Variants in GAREM2 observed in about 807,000 individuals in gnomAD.
GAREM2 encodes the protein GRB2-associated and regulator of MAPK protein 2.
Under a neutral mutation model 55.6 loss-of-function variants are expected in GAREM2, and 30 were observed. That is an observed-to-expected ratio of 0.54 (90% CI 0.40 to 0.73). The LOEUF is 0.73. GAREM2 is among the 30% of genes least tolerant of loss of function. GAREM2 has a pLI of 0.00. For synonymous variants in GAREM2, 550 were observed against 569.1 expected (o/e 0.97, Z 0.48); for missense variants, 1,075 against 1,257.7 (o/e 0.85, Z 2.20).
the GAREM2 span, chr2:26,195,167 C>T: frequency 1.9e-6 from 3 of 1,612,572 alleles, no homozygotes; most frequent in African/African-American, 4.0e-5. Context: ...TGGAAGTTTT[C>T]TCGGTCGTGA....
In GAREM2 at chr2:26,173,337, CG is replaced by C; in HGVS notation, c.112+9del. The C allele has an allele frequency of 3.6e-6, 5 of 1,373,314 alleles. No homozygotes were observed. The highest frequency in any genetic ancestry group is 1.6e-5 in the South Asian group (1 of 63,696). The allele number at this position is 1,373,314 out of a possible 1,614,324, so 85.1% of individuals were successfully genotyped here. A position where few individuals can be genotyped will look rare whatever the true frequency, so the allele number is the denominator to read the frequency against. On this transcript the variant is annotated splice_donor_region_variant and intron_variant, in intron 1 of 5. Transcript: ENST00000401533. ...CGCTCGCCTGCCTTGGGCCAGGTAC[CG>C]GGGTCGCTGGAGATGGGGACCGGGG...
chr2:26,183,221 A>G, intron 3 of GAREM2, 124 bp downstream of exon 3: 1 of 1,051,938 alleles, frequency 9.5e-7, no homozygotes, highest in South Asian at 1.6e-5. Context: ...GGGACCCCTT[A>G]GGGGTCTTTG....
At chr2:26,193,871 C>T, downstream of GAREM2, 1 of 924,064 alleles carries the variant, frequency 1.1e-6, no homozygotes. Flanking sequence ...GTGTAAAACC[C>T]ACTTCTGAGT....
chr2:26,185,381 G>A, intron 4 of GAREM2, 105 bp downstream of exon 4: 1 of 1,378,040 alleles, frequency 7.3e-7, no homozygotes, highest in Non-Finnish European at 9.4e-7. Flanking sequence ...TGTCTTCCTC[G>A]GCGGGGTGGG....
At chr2:26,176,850 C>A (rs1234580903) in intron 2 of GAREM2, among the ~76,000 whole-genome samples, 1 of 152,162 alleles carries the variant, frequency 6.6e-6, no homozygotes, top group Non-Finnish European at 1.5e-5. Context: ...CTGCCAGGAC[C>A]TTTTCTGTAC....
rs1280414430 is a variant in GAREM2, at chr2:26,185,230, G to GGGAGCCGGAAGCGCCGCCGCCTCC, written c.1383_1406dup (p.Glu462_Pro469dup). 2 of 1,520,912 alleles carry GGGAGCCGGAAGCGCCGCCGCCTCC rather than the reference G, an allele frequency of 1.3e-6. No individual in the cohort carries two copies. Among genetic ancestry groups the GGGAGCCGGAAGCGCCGCCGCCTCC allele is most frequent in the Non-Finnish European group, 8.8e-7 (1 of 1,141,100 alleles). 94.2% of individuals were successfully genotyped at this position (1,520,912 alleles called of 1,614,324 possible). ...TTCGGGGCCGCGGGACCGCCGCGTC[G>GGGAGCCGGAAGCGCCGCCGCCTCC]GGAGCCGGAAGCGCCGCCGCCTCCA... On this transcript the variant is annotated inframe_insertion, in exon 4 of 6. Coordinates refer to ENST00000401533, the MANE Select transcript of GAREM2 (RefSeq NM_001168241.2).
downstream of GAREM2, chr2:26,192,480 C>CTATT (rs1574601292): frequency 2.0e-6 from 2 of 996,662 alleles, no homozygotes; most frequent in East Asian, 4.8e-5. Flanking sequence ...GGGAGTGTTA[C>CTATT]TATTTGTTCT....
rs1288748717 is a variant in GAREM2, at chr2:26,173,347, G to A, written c.112+15G>A. ...CCTTGGGCCAGGTACCGGGGTCGCT[G>A]GAGATGGGGACCGGGGTCCGCGGGG... On this transcript the variant is annotated intron_variant, in intron 1 of 5. Transcript: ENST00000401533. 14 of 1,337,254 alleles carry A rather than the reference G, an allele frequency of 1.0e-5. No homozygotes were observed. The highest frequency in any genetic ancestry group is 1.4e-5 in the Non-Finnish European group (14 of 1,028,390). The allele number at this position is 1,337,254 out of a possible 1,614,324, so 82.8% of individuals were successfully genotyped here. A position where few individuals can be genotyped will look rare whatever the true frequency, so the allele number is the denominator to read the frequency against.
chr2:26,185,168 C>T lies in GAREM2; in HGVS notation c.1320C>T (p.Gly440=), dbSNP rs1275930650. The T allele has an allele frequency of 1.3e-6, 2 of 1,507,056 alleles. No individual in the cohort carries two copies. The highest frequency in any genetic ancestry group is 2.4e-5 in the South Asian group (2 of 81,958). The allele number at this position is 1,507,056 out of a possible 1,614,324, so 93.4% of individuals were successfully genotyped here. ...TGTGGGCGCACCAGGGGCCCGAGGG[C>T]CTCGTCCGGCCGCCCCCAGGGCTCG... The part of the protein sequence containing the change: ...EELWAHQGPE[G]LVRPPPGLDL... The change falls in exon 4 of 6, where the codon GGC becomes GGT. Residue 440 remains glycine, a synonymous_variant. Coordinates refer to ENST00000401533, the MANE Select transcript of GAREM2 (RefSeq NM_001168241.2).
At chr2:26,184,151 T>C in intron 3 of GAREM2, 82 bp from the exon 4 acceptor site, 2 of 1,520,098 alleles carry the variant, frequency 1.3e-6, no homozygotes. Context: ...AAGGCTGTTT[T>C]CCCTTTCCAG....
chr2:26,185,097 G>C lies in GAREM2; in HGVS notation c.1249G>C (p.Ala417Pro), dbSNP rs1462760559. The C allele has an allele frequency of 1.4e-6, 2 of 1,429,910 alleles. No individual in the cohort carries two copies. Among genetic ancestry groups the C allele is most frequent in the Non-Finnish European group, 1.8e-6 (2 of 1,099,498 alleles). 88.6% of individuals were successfully genotyped at this position (1,429,910 alleles called of 1,614,324 possible). A position where few individuals can be genotyped will look rare whatever the true frequency, so the allele number is the denominator to read the frequency against. Residue 417 changes from alanine (A) to proline (P), a missense_variant, in exon 4 of 6, where the codon GCG becomes CCG. Physicochemically the swap from Ala to Pro is conservative, Grantham distance 27 (BLOSUM62 -1). Transcript: ENST00000401533. ...GTACGTGAGCCCCGACTGGGCAGCCGCGCCCGAGCCCGCCGCGCCGCCCGC... is the reference window on the plus strand; with the variant it reads ...GTACGTGAGCCCCGACTGGGCAGCCCCGCCCGAGCCCGCCGCGCCGCCCGC... The part of the protein sequence containing the change: ...QEYVSPDWAA[A>P]PEPAAPPAEI...
At chr2:26,174,350 G>A (rs1373806944) in intron 1 of GAREM2, among the ~76,000 whole-genome samples, 3 of 152,222 alleles carry the variant, frequency 2.0e-5, no homozygotes, top group Non-Finnish European at 4.4e-5. Context: ...GTCAGAGTGT[G>A]GTACTGTGTC....
the GAREM2 span, among the ~76,000 whole-genome samples, chr2:26,200,620 C>T: frequency 6.6e-6 from 1 of 152,214 alleles, no homozygotes; most frequent in Non-Finnish European, 1.5e-5. Context: ...AGAGCTCCTA[C>T]ATGAATAAGG....
the GAREM2 span, among the ~76,000 whole-genome samples, chr2:26,199,072 GTT>G: frequency 1.3e-5 from 2 of 151,810 alleles, no homozygotes; most frequent in Admixed American, 1.3e-4. Flanking sequence ...TTTTTTTGTA[GTT>G]TTTAGTAAAG....
In GAREM2 at chr2:26,184,750, T is replaced by C. The variant is rs1423150633; in HGVS notation, c.902T>C (p.Leu301Pro). 8 of 1,506,890 alleles carry C rather than the reference T, an allele frequency of 5.3e-6. No individual in the cohort carries two copies. The allele number at this position is 1,506,890 out of a possible 1,614,324, so 93.3% of individuals were successfully genotyped here. ...AGCATCATCTCCAAGACGGTGGTGC[T>C]GGGGCTGGCGCTGCGCCGCGAGGGC... is the stretch of plus-strand genomic sequence containing the variant. ...LVSIISKTVV[L>P]GLALRREGPA... The change falls in exon 4 of 6, where the codon CTG becomes CCG. Residue 301 changes from leucine to proline, a missense_variant. Around this residue, in one of 6 missense-constraint regions of GAREM2, gnomAD observed 170 missense variants for 220.7 expected, o/e 0.77. Coordinates refer to ENST00000401533, the MANE Select transcript of GAREM2 (RefSeq NM_001168241.2).
chr2:26,182,717 A>G (rs1442175067), intron 2 of GAREM2, among the ~76,000 whole-genome samples: 2 of 152,056 alleles, frequency 1.3e-5, no homozygotes, highest in Non-Finnish European at 2.9e-5. Flanking sequence ...CTCACTGCAT[A>G]CCCACAGGCT....
the GAREM2 span, chr2:26,201,214 T>G: frequency 1.2e-6 from 2 of 1,613,842 alleles, no homozygotes; most frequent in Non-Finnish European, 1.7e-6. Context: ...TCAATCACCA[T>G]GTCGGCCTTT....
At chr2:26,183,491 AGGAG>A (rs975443649) in intron 3 of GAREM2, among the ~76,000 whole-genome samples, 1 of 152,196 alleles carries the variant, frequency 6.6e-6, no homozygotes, top group Non-Finnish European at 1.5e-5. Context: ...TGGGAGGCTG[AGGAG>A]GGAGGATCAA....
In GAREM2 at chr2:26,179,530, G is replaced by A. The variant is rs551057114; in HGVS notation, c.253+3046G>A. Reference sequence around the variant, plus strand: ...CCCTGCCACAGCCCTCAGGTGCTTGGGGCTGGAAGGGAGGAGCGAGGCAGC... The same window carrying A: ...CCCTGCCACAGCCCTCAGGTGCTTGAGGCTGGAAGGGAGGAGCGAGGCAGC... On this transcript the variant is annotated intron_variant, in intron 2 of 5. Transcript: ENST00000401533. This position sits in a 1 kb window ranked among gnomAD's most constrained non-coding sequence, Gnocchi z 4.7. Among the ~76,000 whole-genome samples, 62 of 152,232 alleles carry A rather than the reference G, an allele frequency of 4.1e-4. No homozygotes were observed. The highest frequency in any genetic ancestry group is 1.4e-3 in the African/African-American group (60 of 41,536).
Sources: gnomAD v4.1 joint callset for allele counts (sites outside exome capture counted in the v4.1 genomes callset) on GRCh38, gnomAD v4.1.1 for gene constraint, gnomAD v4.1.1 regional missense constraint, Gnocchi (gnomAD v3.1) non-coding constraint, MANE v1.5 for transcripts, NCBI Gene and HGNC (gene_info 2026-07-23, HGNC 2026-07-21) for gene names.